The following UBAC2 variants were observed in gnomAD, a reference collection of about 807,000 sequenced individuals.
The protein encoded by UBAC2 is ubiquitin-associated domain-containing protein 2.
Under a neutral mutation model 44.0 loss-of-function variants are expected in UBAC2, and 26 were observed. That is an observed-to-expected ratio of 0.59 (90% CI 0.43 to 0.82). UBAC2 has a LOEUF of 0.82. Among genes scored for constraint, UBAC2 ranks in the 40% least tolerant of loss-of-function variants. The probability of loss-of-function intolerance (pLI) is 0.00; values close to 1 mark genes in which losing one functional copy is unlikely to be tolerated. For missense variants in UBAC2, 329 were observed against 419.4 expected, an observed-to-expected ratio of 0.78 and a Z score of 1.88; for synonymous variants, 155 against 154.3, an observed-to-expected ratio of 1.00 and a Z score of -0.04.
At chr13:99,378,792 C>T (rs1295574662) in intron 8 of UBAC2, among the ~76,000 whole-genome samples, 1 of 152,206 alleles carries the variant, frequency 6.6e-6, no homozygotes, top group East Asian at 1.9e-4. Flanking sequence ...ACGCTAAACG[C>T]CTGTTGAAAA....
At chr13:99,216,834 CTTTT>C (rs11338165) in intron 1 of UBAC2, among the ~76,000 whole-genome samples, 1 of 140,624 alleles carries the variant, frequency 7.1e-6, no homozygotes. Context: ...TTTCTTTTTT[CTTTT>C]TTTTTTTTTG....
At chr13:99,379,937 C>T (rs1164056453) in intron 8 of UBAC2, among the ~76,000 whole-genome samples, 3 of 152,212 alleles carry the variant, frequency 2.0e-5, no homozygotes, top group South Asian at 2.1e-4. Flanking sequence ...CAGTGAGTGA[C>T]GCACGTGGGT....
chr13:99,297,928 G>A (rs924897019), intron 4 of UBAC2, among the ~76,000 whole-genome samples: 1 of 151,408 alleles, frequency 6.6e-6, no homozygotes, highest in African/African-American at 2.4e-5. Flanking sequence ...CCAATAAAAA[G>A]GTAGTATGGC....
intron 1 of UBAC2, among the ~76,000 whole-genome samples, chr13:99,226,924 C>T (rs557797563): frequency 3.6e-4 from 55 of 152,210 alleles, no homozygotes; most frequent in African/African-American, 6.0e-4. Context: ...CTTGGCTGGG[C>T]GCGGTGGCTC....
At chr13:99,325,363 A>G (rs1439367959) in intron 6 of UBAC2, among the ~76,000 whole-genome samples, 3 of 152,056 alleles carry the variant, frequency 2.0e-5, no homozygotes, top group Non-Finnish European at 4.4e-5. Flanking sequence ...TCGGCCTCCC[A>G]AATTGCTGGG....
intron 1 of UBAC2, chr13:99,215,686 C>T (rs1566450456): frequency 3.5e-5 from 53 of 1,496,082 alleles, no homozygotes; most frequent in South Asian, 3.3e-4. Context: ...AACTGCAAGC[C>T]GGCTCTCTGC....
chr13:99,201,303 C>T, intron 1 of UBAC2: 3 of 1,477,538 alleles, frequency 2.0e-6, no homozygotes, highest in Non-Finnish European at 2.7e-6. Flanking sequence ...GGGCCGTCCC[C>T]CTTACCATGC....
intron 4 of UBAC2, among the ~76,000 whole-genome samples, chr13:99,290,344 T>C (rs559165766): frequency 2.2e-3 from 340 of 152,348 alleles, no homozygotes; most frequent in Non-Finnish European, 3.6e-3. Flanking sequence ...CTAAAGTTTC[T>C]GACTCTCATC....
chr13:99,229,437 T>C (rs2043148524), intron 1 of UBAC2, among the ~76,000 whole-genome samples: 1 of 152,214 alleles, frequency 6.6e-6, no homozygotes, highest in Non-Finnish European at 1.5e-5. Context: ...GCGGTTTGAT[T>C]GCAGCAAAGG....
chr13:99,296,506 C>T (rs1454842750), intron 4 of UBAC2, among the ~76,000 whole-genome samples: 1 of 152,100 alleles, frequency 6.6e-6, no homozygotes, highest in Non-Finnish European at 1.5e-5. Context: ...ATTCCCCTTC[C>T]CTTTTTTGAA....
At chr13:99,329,337 G>A (rs1340178644) in intron 6 of UBAC2, among the ~76,000 whole-genome samples, 1 of 152,184 alleles carries the variant, frequency 6.6e-6, no homozygotes, top group African/African-American at 2.4e-5. Context: ...AAGGGGAAAA[G>A]AGTTAAGATT....
At chr13:99,268,094 G>C (rs1021607730) in intron 4 of UBAC2, among the ~76,000 whole-genome samples, 1 of 152,210 alleles carries the variant, frequency 6.6e-6, no homozygotes, top group African/African-American at 2.4e-5. Context: ...CAAGGTTGCA[G>C]ATGTCACTCC....
intron 6 of UBAC2, among the ~76,000 whole-genome samples, chr13:99,324,910 A>G (rs901340018): frequency 6.6e-6 from 1 of 152,188 alleles, no homozygotes; most frequent in African/African-American, 2.4e-5. Context: ...GAAAATATAT[A>G]TCCCATCTAG....
chr13:99,271,979 T>C (rs1389498479), intron 4 of UBAC2, among the ~76,000 whole-genome samples: 1 of 152,222 alleles, frequency 6.6e-6, no homozygotes, highest in Non-Finnish European at 1.5e-5. Flanking sequence ...TTGTTAGGAC[T>C]GTTTGATCTT....
chr13:99,270,153 C>T (rs2043797613), intron 4 of UBAC2, among the ~76,000 whole-genome samples: 1 of 152,142 alleles, frequency 6.6e-6, no homozygotes, highest in Non-Finnish European at 1.5e-5. Flanking sequence ...CTCAGCTCAG[C>T]ACAGTTCCAA....
intron 6 of UBAC2, among the ~76,000 whole-genome samples, chr13:99,327,484 C>CTGTGTG (rs59174527): frequency 1.9e-4 from 29 of 150,922 alleles, no homozygotes; most frequent in African/African-American, 6.8e-4. Context: ...CTCTCTCTCT[C>CTGTGTG]TGTGTGTGTG....
In UBAC2 at chr13:99,241,100, C is replaced by CA. The variant is rs530532783; in HGVS notation, c.159+2552dup. Among the ~76,000 whole-genome samples the CA allele has an allele frequency of 2.3e-3, 351 of 151,656 alleles. 3 individuals are homozygous for CA. The highest frequency in any genetic ancestry group is 9.0e-3 in the South Asian group (43 of 4,784). On this transcript the variant is annotated intron_variant, in intron 2 of 8. Transcript: ENST00000403766. ...GCAACATGGCAAAACACCATCTCTA[C>CA]AAAAAATACAAAAATTAGACGGGTG...
intron 6 of UBAC2, among the ~76,000 whole-genome samples, chr13:99,335,689 G>A (rs1460905698): frequency 6.6e-6 from 1 of 152,190 alleles, no homozygotes; most frequent in Non-Finnish European, 1.5e-5. Flanking sequence ...GTACTGTGTT[G>A]TATGAATAAC....
rs116430810 is a variant in UBAC2, at chr13:99,256,301, G to A, written c.389+11677G>A. 2.9e-3 allele frequency: 443 copies of A among 154,522 alleles called. 2 individuals are homozygous for A. The highest frequency in any genetic ancestry group is 0.01 in the African/African-American group (429 of 41,590). 9.6% of individuals were successfully genotyped at this position (154,522 alleles called of 1,614,324 possible). On this transcript the variant is annotated intron_variant, in intron 4 of 8. Transcript: ENST00000403766. ...TATTAAACTTTTTGTTTTTTTTAAA[G>A]TGGAAACACTTCATAATATTTATTA... is the stretch of plus-strand genomic sequence containing the variant.
Sources: allele counts gnomAD v4.1 joint callset (sites outside exome capture counted in the v4.1 genomes callset), GRCh38; gene constraint gnomAD v4.1.1; transcripts MANE v1.5; gene names NCBI Gene and HGNC (gene_info 2026-07-23, HGNC 2026-07-21).